Variants in ATG2A observed in about 807,000 individuals in gnomAD.
ATG2A encodes autophagy-related protein 2 homolog A.
ATG2A carries 103 observed loss-of-function variants against 214.2 expected under a neutral mutation model. The observed-to-expected ratio is 0.48, with a 90% CI of 0.41 to 0.57. The LOEUF (loss-of-function observed/expected upper bound fraction) is 0.57, where lower values mean the gene tolerates loss of function less well. ATG2A is among the 20% of genes least tolerant of loss of function. The probability of loss-of-function intolerance (pLI) is 0.00; values close to 1 mark genes in which losing one functional copy is unlikely to be tolerated. For synonymous variants in ATG2A, 1,160 were observed against 1,142.1 expected (o/e 1.02, Z -0.32); for missense variants, 2,312 against 2,613.2 (o/e 0.88, Z 2.51).
chr11:64,909,779 C>T lies in ATG2A; in HGVS notation c.2009G>A (p.Arg670Gln), dbSNP rs775417984. ...GAACTGGGGCTCACTCAGCTCCAGC[C>T]GAAGCTGCTCAGCCCGCACGGCCTG... ...AGQAVRAEQL[R>Q]LELSEPQFRS... The change falls in exon 14 of 41, where the codon CGG (arginine) becomes CAG (glutamine). Residue 670 changes from arginine (R) to glutamine (Q), a missense_variant. By Grantham distance (43) the Arg-to-Gln change is conservative (BLOSUM62 1). Transcript: ENST00000377264. 1.2e-5 allele frequency: 19 copies of T among 1,612,570 alleles called. No homozygotes were observed. The highest frequency in any genetic ancestry group is 8.9e-5 in the East Asian group (4 of 44,898).
At chr11:64,907,120 C>T (rs1331778922) in intron 19 of ATG2A, 135 bp downstream of exon 19, 11 of 1,082,870 alleles carry the variant, frequency 1.0e-5, no homozygotes, top group African/African-American at 4.8e-5. Flanking sequence ...GGCAGGCTGG[C>T]GTGGGTGGGC....
rs1021110957 is a variant in ATG2A, at chr11:64,913,423, C to T, written c.591-22G>A. On this transcript the variant is annotated intron_variant, in intron 4 of 40. Transcript: ENST00000377264. The surrounding 1 kb of genome is among the most constrained non-coding windows in gnomAD (Gnocchi z 4.3). ...CAGTCTGGAGAGTGTAGGGTCAGCCCGTGCCCTGGCCACCCCAGGCCTGGA... is the reference window on the plus strand; with the variant it reads ...CAGTCTGGAGAGTGTAGGGTCAGCCTGTGCCCTGGCCACCCCAGGCCTGGA... 7 of 1,549,088 alleles carry T rather than the reference C, an allele frequency of 4.5e-6. No homozygotes were observed. Among genetic ancestry groups the T allele is most frequent in the African/African-American group, 2.7e-5 (2 of 73,594 alleles).
rs1225117741 is a variant in ATG2A, at chr11:64,897,459, T to C, written c.5103A>G (p.Gln1701=). 2 of 1,576,304 alleles carry C rather than the reference T, an allele frequency of 1.3e-6. No individual in the cohort carries two copies. Among genetic ancestry groups the C allele is most frequent in the Non-Finnish European group, 1.7e-6 (2 of 1,160,830 alleles). The change falls in exon 37 of 41, where the codon CAA becomes CAG. Residue 1701 remains glutamine (Q), a synonymous_variant. Coordinates refer to ENST00000377264, the MANE Select transcript of ATG2A (RefSeq NM_015104.3). ...TTAGCTTCAGCTCGGAGCAGTTGAGTTGGGCCAGGCCGATGAGGAGGCCAG... is the reference window on the plus strand; with the variant it reads ...TTAGCTTCAGCTCGGAGCAGTTGAGCTGGGCCAGGCCGATGAGGAGGCCAG... ...TFAGLLIGLA[Q]LNCSELKLKR... is the part of the protein sequence containing the mutation.
At chr11:64,905,042 G>T (rs954856369) in intron 24 of ATG2A, among the ~76,000 whole-genome samples, 2 of 152,140 alleles carry the variant, frequency 1.3e-5, no homozygotes, top group African/African-American at 4.8e-5. Flanking sequence ...TTTTAGTAGA[G>T]ACGGGGTTTC....
Position 64,910,937 on chromosome 11 carries a change from A to G in ATG2A, c.1484T>C (p.Val495Ala). Residue 495 changes from valine to alanine, a missense_variant, in exon 11 of 41, where the codon GTG becomes GCG. By Grantham distance (64) the Val-to-Ala change is moderately conservative (BLOSUM62 0). Transcript: ENST00000377264. ...CGTCCGCAGCTCCCAGGACAGCTGC[A>G]CGGCTGTGCCCGTTAGCCTGCGGGG... ...CSHVRLTGTA[V>A]QLSWELRTGS... 1 of 1,613,320 alleles carries G rather than the reference A, an allele frequency of 6.2e-7. No individual in the cohort carries two copies. The highest frequency in any genetic ancestry group is 1.1e-5 in the South Asian group (1 of 91,076).
chr11:64,909,304 G>C lies in ATG2A; in HGVS notation c.2171C>G (p.Pro724Arg), dbSNP rs1178364867. The part of the protein sequence containing the change: ...PCLRVSKALD[P>R]KSTGRKYFLP... ...GAAGTACTTGCGCCCAGTGCTCTTG[G>C]GGTCCAGGGCTTTGGAGACACGCAG... The change falls in exon 15 of 41, where the codon CCC (proline) becomes CGC (arginine). Residue 724 changes from proline (P) to arginine (R), a missense_variant. Pro to Arg is a moderately radical substitution (Grantham distance 103). Coordinates refer to ENST00000377264, the MANE Select transcript of ATG2A (RefSeq NM_015104.3). The C allele has an allele frequency of 7.4e-6, 12 of 1,613,586 alleles. No homozygotes were observed. Among genetic ancestry groups the C allele is most frequent in the Non-Finnish European group, 1.0e-5 (12 of 1,180,012 alleles).
intron 14 of ATG2A, 33 bp downstream of exon 14, chr11:64,909,648 T>C (rs1944686990): frequency 3.1e-6 from 5 of 1,601,958 alleles, no homozygotes; most frequent in Non-Finnish European, 4.3e-6. Context: ...GCCAGGCCTC[T>C]TGCCCCAAGT....
intron 24 of ATG2A, among the ~76,000 whole-genome samples, chr11:64,905,268 T>TA (rs1223568948): frequency 6.6e-6 from 1 of 152,202 alleles, no homozygotes; most frequent in Non-Finnish European, 1.5e-5. Flanking sequence ...ATTTAACTGA[T>TA]ACGTTTTGGC....
Position 64,914,407 on chromosome 11 carries a change from G to A in ATG2A, c.265C>T (p.Leu89=), listed in dbSNP as rs1435461550. ...SIEVAVPWAA[L]LTDHCTVRVS... The stretch of plus-strand genomic sequence containing the variant: ...CGCACTGTGCAGTGGTCGGTGAGCA[G>A]AGCAGCCCAGGGCACGGCCACCTCG... Residue 89 remains leucine, a synonymous_variant, in exon 2 of 41, where the codon CTG becomes TTG. Coordinates refer to ENST00000377264, the MANE Select transcript of ATG2A (RefSeq NM_015104.3). The A allele has an allele frequency of 6.2e-7, 1 of 1,612,296 alleles. No individual in the cohort carries two copies. The highest frequency in any genetic ancestry group is 1.3e-5 in the African/African-American group (1 of 75,036).
intron 37 of ATG2A, chr11:64,897,155 T>C: frequency 1.6e-6 from 1 of 616,470 alleles, no homozygotes; most frequent in South Asian, 2.1e-5. Flanking sequence ...GTAGCTGGGA[T>C]TACATGTGTA....
At chr11:64,900,081 G>C (rs968563854) in intron 31 of ATG2A, among the ~76,000 whole-genome samples, 3 of 147,976 alleles carry the variant, frequency 2.0e-5, no homozygotes, top group Non-Finnish European at 3.0e-5. Context: ...GCCCAGGCTG[G>C]TCTCAAACTC....
At position 64,894,730 on chromosome 11, in the gene ATG2A, G is replaced by A. The variant is rs1434090066; in HGVS notation, c.*243C>T. The A allele has an allele frequency of 5.7e-6, 4 of 700,132 alleles. No homozygotes were observed. The East Asian group carries it at 8.1e-5, about 14-fold the overall frequency. 43.4% of individuals were successfully genotyped at this position (700,132 alleles called of 1,614,324 possible). On this transcript the variant is annotated 3_prime_UTR_variant, in exon 41 of 41. Transcript: ENST00000377264. ...CCGTCCTGGGAGAAGGCAGCAGTGTGGGCCCAGGTCGGGGGAGGGGCAGTG... is the reference window on the plus strand; with the variant it reads ...CCGTCCTGGGAGAAGGCAGCAGTGTAGGCCCAGGTCGGGGGAGGGGCAGTG...
At chr11:64,911,741 G>GCAT in intron 9 of ATG2A, 101 bp downstream of exon 9, 2 of 1,486,764 alleles carry the variant, frequency 1.3e-6, no homozygotes, top group Non-Finnish European at 1.8e-6. Flanking sequence ...AGATATCCAG[G>GCAT]CATCGCTGGG....
chr11:64,912,445 A>T (rs1464319380), intron 6 of ATG2A, 22 bp from the exon 7 acceptor site: 2 of 1,539,548 alleles, frequency 1.3e-6, no homozygotes, highest in Non-Finnish European at 1.8e-6. Context: ...GGAGGCAGCC[A>T]TGGAGCCTAG....
chr11:64,911,780 G>A lies in ATG2A; in HGVS notation c.1228+62C>T, dbSNP rs554815718. 1.3e-5 allele frequency: 21 copies of A among 1,596,336 alleles called. No individual in the cohort carries two copies. The Admixed American group carries it at 1.5e-4, about 12-fold the overall frequency. ...TTCCTGTGTGCCTCTGACAGCCCAC[G>A]GCACTAAGGCCTCTTCCAGTCCTTC... On this transcript the variant is annotated intron_variant, in intron 9 of 40. Coordinates refer to ENST00000377264, the MANE Select transcript of ATG2A (RefSeq NM_015104.3).
At chr11:64,916,460 C>T (rs1362607125) in intron 1 of ATG2A, among the ~76,000 whole-genome samples, 2 of 152,222 alleles carry the variant, frequency 1.3e-5, no homozygotes, top group Non-Finnish European at 2.9e-5. Flanking sequence ...TTGACATACA[C>T]ATCCGGTGGT....
intron 1 of ATG2A, among the ~76,000 whole-genome samples, chr11:64,915,349 C>A (rs1234758364): frequency 3.3e-5 from 5 of 152,320 alleles, no homozygotes; most frequent in African/African-American, 9.6e-5. Context: ...TAAAAAAGCA[C>A]ATGGCAGAGC....
In ATG2A at chr11:64,898,221, T is replaced by C; in HGVS notation, c.4773+40A>G. On this transcript the variant is annotated intron_variant, in intron 33 of 40. Transcript: ENST00000377264. The surrounding 1 kb of genome is among the most constrained non-coding windows in gnomAD (Gnocchi z 4.5). ...ATCAGACTCAGAGGCCTGGAGACAG[T>C]GGGGTCACCCTAGGCTCTGCCCTCA... 6.2e-7 allele frequency: 1 copy of C among 1,613,486 alleles called. No homozygotes were observed. Among genetic ancestry groups the C allele is most frequent in the Non-Finnish European group, 8.5e-7 (1 of 1,179,626 alleles).
Position 64,903,130 on chromosome 11 carries a change from T to C in ATG2A, c.3612+158A>G, listed in dbSNP as rs537173956. Among the ~76,000 whole-genome samples, 1 of 152,260 alleles carries C rather than the reference T, an allele frequency of 6.6e-6. No individual in the cohort carries two copies. Among genetic ancestry groups the C allele is most frequent in the South Asian group, 2.1e-4 (1 of 4,830 alleles). On this transcript the variant is annotated intron_variant, in intron 26 of 40. Transcript: ENST00000377264. The surrounding 1 kb of genome is among the most constrained non-coding windows in gnomAD (Gnocchi z 4.2). ...AGGGACACCCCCACCAGGGCTGTAC[T>C]ATGGCCCTTTGCAGGAGGGGCGCTA...
Sources: allele counts gnomAD v4.1 joint callset (sites outside exome capture counted in the v4.1 genomes callset), GRCh38; gene constraint gnomAD v4.1.1; non-coding constraint Gnocchi (gnomAD v3.1); transcripts MANE v1.5; gene names NCBI Gene and HGNC (gene_info 2026-07-23, HGNC 2026-07-21).